The following SEMA5B variants were observed in gnomAD, a reference collection of about 807,000 sequenced individuals.
SEMA5B encodes the protein semaphorin 5B, also known as semaphorin-5B.
Under a neutral mutation model 135.0 loss-of-function variants are expected in SEMA5B, and 66 were observed. That is an observed-to-expected ratio of 0.49 (90% confidence interval 0.40 to 0.60). The LOEUF (loss-of-function observed/expected upper bound fraction) is 0.60. Ranked by LOEUF, SEMA5B falls within the 20% of genes least tolerant of loss-of-function variation. The pLI, the probability that SEMA5B is intolerant of heterozygous loss-of-function variation, is 0.00. For missense variants in SEMA5B, 1,501 were observed against 1,566.3 expected, an observed-to-expected ratio of 0.96 and a Z score of 0.70; for synonymous variants, 690 against 639.5, an observed-to-expected ratio of 1.08 and a Z score of -1.19.
At position 122,989,892 on chromosome 3, in the gene SEMA5B, G is replaced by A. The variant is rs1941823832; in HGVS notation, c.-38-28591C>T. On this transcript the variant is annotated intron_variant, in intron 1 of 22. Transcript: ENST00000357599. ...GGGCAAACTGATTCTGCGTAGTTAG[G>A]CAGAGACCATGAAGACTCAGGGCCC... Among the ~76,000 whole-genome samples, 4 of 152,180 alleles carry A rather than the reference G, an allele frequency of 2.6e-5. No homozygotes were observed. In the South Asian group the frequency reaches 8.3e-4, roughly 31 times the overall value.
At chr3:122,944,165 T>C (rs888759620) in intron 3 of SEMA5B, among the ~76,000 whole-genome samples, 1 of 152,184 alleles carries the variant, frequency 6.6e-6, no homozygotes, top group Non-Finnish European at 1.5e-5. Context: ...CCTGGCACAG[T>C]GATTATTTAC....
chr3:122,920,209 C>T (rs1938279652), intron 12 of SEMA5B, among the ~76,000 whole-genome samples: 1 of 152,238 alleles, frequency 6.6e-6, no homozygotes, highest in East Asian at 1.9e-4. Context: ...CTCAGTTGGC[C>T]TCAATCCAGT....
intron 1 of SEMA5B, among the ~76,000 whole-genome samples, chr3:123,007,265 C>A (rs577438352): frequency 1.3e-5 from 2 of 152,132 alleles, no homozygotes; most frequent in Non-Finnish European, 2.9e-5. Flanking sequence ...CACTAGATAG[C>A]CCCTGGGACT....
rs546869989 is a variant in SEMA5B at position 122,955,747 on chromosome 3, A to C, written c.124+5393T>G. On this transcript the variant is annotated intron_variant, in intron 2 of 22. Transcript: ENST00000357599. Reference sequence around the variant, plus strand: ...TTGCTTAGAGAGACTGCTTTGATACACCCAGAACTAAGTCTGGTACCGAGT... The same window carrying C: ...TTGCTTAGAGAGACTGCTTTGATACCCCCAGAACTAAGTCTGGTACCGAGT... Among the ~76,000 whole-genome samples, 75 of 152,344 alleles carry C rather than the reference A, an allele frequency of 4.9e-4. No individual in the cohort carries two copies. In the South Asian group the frequency reaches 0.016, roughly 32 times the overall value.
At chr3:122,925,816 T>C (rs1434512632) in intron 9 of SEMA5B, among the ~76,000 whole-genome samples, 1 of 147,558 alleles carries the variant, frequency 6.8e-6, no homozygotes, top group African/African-American at 2.5e-5. Context: ...GCTTGGTCTA[T>C]AGGAAAGTCA....
intron 9 of SEMA5B, among the ~76,000 whole-genome samples, chr3:122,924,359 GTTC>G (rs1938517983): frequency 6.6e-6 from 1 of 152,112 alleles, no homozygotes; most frequent in Non-Finnish European, 1.5e-5. Context: ...TTCGCATTTA[GTTC>G]TTCTCCCAAA....
At position 122,911,976 on chromosome 3, in the gene SEMA5B, C is replaced by G. The variant is rs1937744772; in HGVS notation, c.2990G>C (p.Ser997Thr). 6.2e-7 allele frequency: 1 copy of G among 1,613,156 alleles called. No individual in the cohort carries two copies. Among genetic ancestry groups the G allele is most frequent in the Non-Finnish European group, 8.5e-7 (1 of 1,179,548 alleles). Residue 997 changes from serine to threonine, a missense_variant, in exon 20 of 23, where the codon AGC (serine) becomes ACC (threonine). By Grantham distance (58) the Ser-to-Thr change is moderately conservative. This residue lies in a region of SEMA5B where 927 missense variants were observed against 881.6 expected (regional missense o/e 1.05). Transcript: ENST00000357599. ...CTGGCTGCTGTTTCCAGCACAGGCG[C>G]TGGACCCTGGGAGGAGCTCCTCACA... ...RHCEELLPGS[S>T]ACAGNSSQSR... is the part of the protein sequence containing the mutation.
At chr3:122,976,779 G>C (rs373017461) in intron 1 of SEMA5B, among the ~76,000 whole-genome samples, 16 of 152,178 alleles carry the variant, frequency 1.1e-4, no homozygotes, top group African/African-American at 3.6e-4. Context: ...GCCAGGCGCG[G>C]TGGCTCACAC....
At chr3:122,965,069 A>C (rs4677871) in intron 1 of SEMA5B, among the ~76,000 whole-genome samples, 88,438 of 151,938 alleles carry the variant, frequency 0.58, 26,780 homozygotes, top group African/African-American at 0.75. Flanking sequence ...GCTTACTTCA[A>C]TTAGCATAAT....
intron 1 of SEMA5B, among the ~76,000 whole-genome samples, chr3:123,004,517 A>G (rs2107770369): frequency 6.6e-6 from 1 of 152,376 alleles, no homozygotes; most frequent in East Asian, 1.9e-4. Context: ...AGGGATGCAT[A>G]TAACACATTT....
At chr3:122,911,152 T>C in intron 21 of SEMA5B, 107 bp from the exon 22 acceptor site, 2 of 1,104,868 alleles carry the variant, frequency 1.8e-6, no homozygotes, top group East Asian at 5.2e-5. Flanking sequence ...TGAGGCATCC[T>C]GGAAAGGGCT....
At chr3:123,004,590 C>A (rs1942259221) in intron 1 of SEMA5B, among the ~76,000 whole-genome samples, 1 of 152,230 alleles carries the variant, frequency 6.6e-6, no homozygotes, top group Non-Finnish European at 1.5e-5. Flanking sequence ...AGAGGCCAAT[C>A]TAAAGTGTGT....
In SEMA5B at chr3:122,926,552, C is replaced by T. The variant is rs762229694; in HGVS notation, c.976G>A (p.Val326Met). ...SRVARVCKND[V>M]GGRFLLEDTW... ...TCCTCCAGCAGGAATCGGCCCCCCA[C>T]GTCATTCTTGCACACGCGGGCCACG... The change falls in exon 9 of 23, where the codon GTG becomes ATG. Residue 326 changes from valine to methionine, a missense_variant. Physicochemically the swap from Val to Met is conservative, Grantham distance 21. Transcript: ENST00000357599. 6 of 1,614,168 alleles carry T rather than the reference C, an allele frequency of 3.7e-6. No homozygotes were observed. Among genetic ancestry groups the T allele is most frequent in the African/African-American group, 1.3e-5 (1 of 74,962 alleles).
intron 2 of SEMA5B, among the ~76,000 whole-genome samples, chr3:122,957,443 C>G (rs1940375743): frequency 6.6e-6 from 1 of 152,246 alleles, no homozygotes; most frequent in African/African-American, 2.4e-5. Flanking sequence ...GAGCTGCACC[C>G]AGGCAGGAGC....
chr3:122,929,098 T>C, intron 5 of SEMA5B, 40 bp from the exon 6 acceptor site: 2 of 1,586,456 alleles, frequency 1.3e-6, no homozygotes, highest in Non-Finnish European at 1.7e-6. Context: ...ATCACATGGC[T>C]GTGTCATTTA....
At chr3:122,970,511 A>G (rs778671475) in intron 1 of SEMA5B, among the ~76,000 whole-genome samples, 5 of 152,212 alleles carry the variant, frequency 3.3e-5, no homozygotes, top group Admixed American at 6.5e-5. Flanking sequence ...GCTATAGCCC[A>G]GCAGCTAGAG....
At chr3:122,941,994 G>T (rs1313053475) in intron 4 of SEMA5B, among the ~76,000 whole-genome samples, 1 of 152,178 alleles carries the variant, frequency 6.6e-6, no homozygotes, top group East Asian at 1.9e-4. Flanking sequence ...GACTCCCTCT[G>T]GGGGCACAGT....
At chr3:122,928,840 C>T (rs1938791852) in intron 6 of SEMA5B, among the ~76,000 whole-genome samples, 156 bp downstream of exon 6, 1 of 149,148 alleles carries the variant, frequency 6.7e-6, no homozygotes, top group African/African-American at 2.4e-5. Context: ...CAGCTCGCCA[C>T]AGGGCTGTTA....
chr3:122,940,828 C>T (rs1391906407), intron 4 of SEMA5B, among the ~76,000 whole-genome samples: 1 of 152,206 alleles, frequency 6.6e-6, no homozygotes, highest in Non-Finnish European at 1.5e-5. Context: ...CTTAGCAGAG[C>T]TCTCCCTATC....
Sources: gnomAD v4.1 joint callset for allele counts (sites outside exome capture counted in the v4.1 genomes callset) on GRCh38, gnomAD v4.1.1 for gene constraint, gnomAD v4.1.1 regional missense constraint, MANE v1.5 for transcripts, NCBI Gene and HGNC (gene_info 2026-07-23, HGNC 2026-07-21) for gene names.